The following RASGRF2 variants were observed in gnomAD, a reference collection of about 807,000 sequenced individuals.
The protein encoded by RASGRF2 is ras-specific guanine nucleotide-releasing factor 2.
A neutral mutation model predicts 151.0 loss-of-function variants in RASGRF2; 76 were observed. The ratio of observed to expected loss-of-function variants is 0.50; its 90% confidence interval spans 0.42 to 0.61. The LOEUF is 0.61. Ranked by LOEUF, RASGRF2 falls within the 20% of genes least tolerant of loss-of-function variation. RASGRF2 has a pLI of 0.00. For missense variants in RASGRF2, 1,148 were observed against 1,564.6 expected, an observed-to-expected ratio of 0.73 and a Z score of 4.49; for synonymous variants, 504 against 566.5, an observed-to-expected ratio of 0.89 and a Z score of 1.57.
chr5:81,120,627 G>C (rs1430258573), intron 15 of RASGRF2, among the ~76,000 whole-genome samples: 1 of 152,100 alleles, frequency 6.6e-6, no homozygotes, highest in African/African-American at 2.4e-5. Flanking sequence ...AATAGGTAAG[G>C]AAATCAGACA....
chr5:81,195,623 C>A (rs1445121481), intron 18 of RASGRF2, among the ~76,000 whole-genome samples: 1 of 147,664 alleles, frequency 6.8e-6, no homozygotes, highest in Non-Finnish European at 1.5e-5. Context: ...GGTCTTGCTA[C>A]TCAAAAGGTG....
chr5:81,183,403 TC>T, intron 18 of RASGRF2: 1 of 773,586 alleles, frequency 1.3e-6, no homozygotes, highest in Non-Finnish European at 1.6e-6. Context: ...GGGTTGGTTC[TC>T]CAGAGAAATA....
At chr5:81,149,630 CAATT>C (rs996779881) in intron 17 of RASGRF2, among the ~76,000 whole-genome samples, 5 of 150,084 alleles carry the variant, frequency 3.3e-5, no homozygotes, top group African/African-American at 1.2e-4. Context: ...AAATTTTTTA[CAATT>C]AAAAAAAAAA....
intron 15 of RASGRF2, among the ~76,000 whole-genome samples, chr5:81,119,098 A>G (rs759643645): frequency 6.6e-6 from 1 of 152,176 alleles, no homozygotes; most frequent in East Asian, 1.9e-4. Context: ...CGCTCCATCC[A>G]TGGCAATACA....
chr5:81,087,448 C>T, intron 9 of RASGRF2: 2 of 642,392 alleles, frequency 3.1e-6, no homozygotes, highest in Non-Finnish European at 5.7e-6. Flanking sequence ...CTGGTAACTC[C>T]CGTTGCCAGA....
intron 1 of RASGRF2, among the ~76,000 whole-genome samples, chr5:81,019,905 T>C (rs2112334232): frequency 6.6e-6 from 1 of 152,326 alleles, no homozygotes; most frequent in Non-Finnish European, 1.5e-5. Context: ...GGCCTGGCAA[T>C]ACCATTCTCT....
intron 12 of RASGRF2, among the ~76,000 whole-genome samples, chr5:81,104,184 A>T (rs1752779622): frequency 6.6e-6 from 1 of 152,186 alleles, no homozygotes; most frequent in Admixed American, 6.5e-5. Context: ...AAAAATGATG[A>T]TCTGTAGAAA....
chr5:81,031,440 AC>A (rs992883976), intron 1 of RASGRF2, among the ~76,000 whole-genome samples: 7 of 152,234 alleles, frequency 4.6e-5, no homozygotes, highest in Non-Finnish European at 2.9e-5. Flanking sequence ...AGAAATTATA[AC>A]AAACTGTCTC....
intron 18 of RASGRF2, among the ~76,000 whole-genome samples, chr5:81,182,007 G>A (rs1754926913): frequency 6.6e-6 from 1 of 152,256 alleles, no homozygotes; most frequent in East Asian, 1.9e-4. Flanking sequence ...GTGTATGGAA[G>A]CCCTTTACAA....
chr5:81,169,618 C>T (rs546479097), intron 17 of RASGRF2, among the ~76,000 whole-genome samples: 2 of 152,354 alleles, frequency 1.3e-5, no homozygotes, highest in African/African-American at 2.4e-5. Flanking sequence ...AACTTGGTCA[C>T]ATCTGCAAAG....
At chr5:81,190,955 A>G (rs778718352) in intron 18 of RASGRF2, among the ~76,000 whole-genome samples, 2 of 152,220 alleles carry the variant, frequency 1.3e-5, no homozygotes, top group Non-Finnish European at 2.9e-5. Flanking sequence ...TCTCTGTTGT[A>G]AGAGTTTTCT....
At chr5:81,215,790 G>C in intron 23 of RASGRF2, 86 bp from the exon 24 acceptor site, 1 of 1,381,704 alleles carries the variant, frequency 7.2e-7, no homozygotes, top group Non-Finnish European at 9.4e-7. Context: ...TGTCACCAAA[G>C]AAGAGAACTG....
At chr5:80,962,312 T>G (rs1019848231) in intron 1 of RASGRF2, among the ~76,000 whole-genome samples, 5 of 152,210 alleles carry the variant, frequency 3.3e-5, no homozygotes, top group Admixed American at 6.5e-5. Flanking sequence ...TTTATAGATA[T>G]AGATACTAGA....
intron 20 of RASGRF2, 140 bp from the exon 21 acceptor site, chr5:81,207,106 T>A: frequency 1.2e-6 from 1 of 831,070 alleles, no homozygotes; most frequent in South Asian, 1.7e-5. Context: ...TACTTTTAGC[T>A]TTCTGCCATT....
At chr5:81,151,821 A>T (rs1051293999) in intron 17 of RASGRF2, among the ~76,000 whole-genome samples, 8 of 152,120 alleles carry the variant, frequency 5.3e-5, no homozygotes, top group African/African-American at 1.7e-4. Context: ...TGGTGCTATG[A>T]TCATGTATAT....
At chr5:81,021,823 C>T (rs1318980590) in intron 1 of RASGRF2, among the ~76,000 whole-genome samples, 1 of 152,020 alleles carries the variant, frequency 6.6e-6, no homozygotes, top group African/African-American at 2.4e-5. Context: ...GGGAAGAAAC[C>T]CCAAATTCAC....
chr5:80,967,756 T>C (rs1408437732), intron 1 of RASGRF2, among the ~76,000 whole-genome samples: 2 of 152,108 alleles, frequency 1.3e-5, no homozygotes, highest in Non-Finnish European at 2.9e-5. Flanking sequence ...AATGTGGAAA[T>C]AGGGAGGTGA....
At chr5:80,987,143 G>A (rs2052480) in intron 1 of RASGRF2, among the ~76,000 whole-genome samples, 30,124 of 152,176 alleles carry the variant, frequency 0.2, 3,762 homozygotes, top group Middle Eastern at 0.4. Context: ...AGTGGTCTCT[G>A]CATAGTACTT....
intron 5 of RASGRF2, among the ~76,000 whole-genome samples, chr5:81,076,892 G>C (rs564734035): frequency 6.6e-6 from 1 of 152,368 alleles, no homozygotes; most frequent in African/African-American, 2.4e-5. Context: ...CAGGATGGTT[G>C]CATGTTTTTC....
Sources: gnomAD v4.1 joint callset for allele counts (sites outside exome capture counted in the v4.1 genomes callset) on GRCh38, gnomAD v4.1.1 for gene constraint, MANE v1.5 for transcripts, NCBI Gene and HGNC (gene_info 2026-07-23, HGNC 2026-07-21) for gene names.